NBPF15: variants seen among roughly 807,000 people sequenced by gnomAD.
NBPF15 encodes NBPF member 15.
In NBPF15, 74 loss-of-function variants were observed where a neutral mutation model predicts 62.2. The ratio of observed to expected loss-of-function variants is 1.19; its 90% confidence interval spans 0.99 to 1.44. NBPF15 has a LOEUF of 1.44. NBPF15 is among the 40% of genes most tolerant of loss of function. The pLI, the probability that NBPF15 is intolerant of heterozygous loss-of-function variation, is 0.00. For missense variants in NBPF15, 790 were observed against 550.0 expected (o/e 1.44, Z -4.36); for synonymous variants, 244 against 209.7 (o/e 1.16, Z -1.41).
intron 3 of NBPF15, among the ~76,000 whole-genome samples, chr1:144,458,103 AT>A (rs1349772473): frequency 2.6e-5 from 4 of 151,752 alleles, no homozygotes; most frequent in African/African-American, 4.8e-5. Context: ...AAAAAAAAAA[AT>A]TGTTCGATGT....
intron 3 of NBPF15, among the ~76,000 whole-genome samples, chr1:144,457,381 T>C (rs587755752): frequency 6.6e-6 from 1 of 151,950 alleles, no homozygotes; most frequent in Non-Finnish European, 1.5e-5. Context: ...CGCTAGGTTA[T>C]GCTACAGTAA....
chr1:144,424,467 G>T (rs1338106243), intron 20 of NBPF15, among the ~76,000 whole-genome samples: 1 of 152,042 alleles, frequency 6.6e-6, no homozygotes, highest in Non-Finnish European at 1.5e-5. Flanking sequence ...GAATCAGAGT[G>T]CCACAGGCAT....
intron 6 of NBPF15, among the ~76,000 whole-genome samples, chr1:144,441,773 G>A (rs1380697504): frequency 6.6e-6 from 1 of 151,282 alleles, no homozygotes; most frequent in Non-Finnish European, 1.5e-5. Flanking sequence ...CACATCTTAA[G>A]TTAATTTCAA....
Position 144,423,389 on chromosome 1 carries a change from A to G in NBPF15, c.1770-133T>C, listed in dbSNP as rs1397755221. On this transcript the variant is annotated intron_variant, in intron 21 of 21. Coordinates refer to ENST00000581897, the MANE Select transcript of NBPF15 (RefSeq NM_001385408.1). The stretch of plus-strand genomic sequence containing the variant: ...TAGATTCATTAATGAGGTAAAAAAA[A>G]AAAATTTATTGCCTTTATGTTGGGA... 8.9e-6 allele frequency: 14 copies of G among 1,575,622 alleles called. 1 individual carries two copies. Among genetic ancestry groups the G allele is most frequent in the African/African-American group, 1.4e-5 (1 of 71,928 alleles).
At chr1:144,445,332 A>AATATATATATATATAT (rs1246556657) in intron 6 of NBPF15, among the ~76,000 whole-genome samples, 1 of 92,544 alleles carries the variant, frequency 1.1e-5, no homozygotes. Context: ...CAAAACGGTG[A>AATATATATATATATAT]ATATATATAT....
chr1:144,423,774 G>T (rs1437733866), intron 21 of NBPF15, 96 bp downstream of exon 21: 14 of 715,044 alleles, frequency 2.0e-5, no homozygotes, highest in African/African-American at 1.8e-4. Context: ...TTCAGCCTTC[G>T]TTGAAAACAT....
rs1553538505 is a variant in NBPF15 at position 144,423,048 on chromosome 1, G to C, written c.1978C>G (p.Leu660Val). ...FFTLTVTSLHLVFQMGVIFPQ is the reference protein window; with the variant it reads ...FFTLTVTSLHVVFQMGVIFPQ ...AATATGACTCCCATCTGGAACACCA[G>C]GTGGAGACTTGTCACCGTCAAAGTA... The change falls in exon 22 of 22, where the codon CTG becomes GTG. Residue 660 changes from leucine (L) to valine (V), a missense_variant. Coordinates refer to ENST00000581897, the MANE Select transcript of NBPF15 (RefSeq NM_001385408.1). The C allele has an allele frequency of 6.2e-7, 1 of 1,611,650 alleles. No individual in the cohort carries two copies.
rs1237570740 is a variant in NBPF15 at position 144,427,703 on chromosome 1, G to A, written c.1213+115C>T. On this transcript the variant is annotated intron_variant, in intron 16 of 21. Transcript: ENST00000581897. ...TTCATTCAACCTACATGTGCCTATA[G>A]GTCCTCCCTGTGGCAATGACATCTC... The A allele has an allele frequency of 3.9e-5, 24 of 617,862 alleles. 1 individual carries two copies. The highest frequency in any genetic ancestry group is 6.6e-5 in the Non-Finnish European group (23 of 350,990). 38.3% of individuals were successfully genotyped at this position (617,862 alleles called of 1,614,324 possible).
In NBPF15 at chr1:144,434,648, G is replaced by T; in HGVS notation, c.772+463C>A. ...AGAAAAGTTTCCGTCCTGATTTCAGGGTGACTGTGCAGCTAAGCAAGCTGA... is the reference window on the plus strand; with the variant it reads ...AGAAAAGTTTCCGTCCTGATTTCAGTGTGACTGTGCAGCTAAGCAAGCTGA... On this transcript the variant is annotated intron_variant, in intron 12 of 21. Transcript: ENST00000581897. Among the ~76,000 whole-genome samples, 2 of 151,088 alleles carry T rather than the reference G, an allele frequency of 1.3e-5. 1 individual carries two copies.
chr1:144,450,928 G>A lies in NBPF15; in HGVS notation c.-431-58C>T, dbSNP rs113715538. ...GGGTTGCCCCTCCACACCTGTGGGC[G>A]TTTCTCGTTAGGTGGAAGGAGAGAC... On this transcript the variant is annotated intron_variant, in intron 4 of 21. Transcript: ENST00000581897. The A allele has an allele frequency of 2.3e-3, 401 of 174,166 alleles. 3 individuals are homozygous for A. The highest frequency in any genetic ancestry group is 6.0e-3 in the African/African-American group (249 of 41,814). The allele number at this position is 174,166 out of a possible 1,614,324, so 10.8% of individuals were successfully genotyped here.
chr1:144,432,404 C>T (rs1267844112), intron 13 of NBPF15, among the ~76,000 whole-genome samples: 56 of 152,100 alleles, frequency 3.7e-4, no homozygotes, highest in Admixed American at 2.3e-3. Context: ...CATCAACTAA[C>T]GGGCGAAATA....
At chr1:144,426,156 C>T (rs1313818430) in intron 18 of NBPF15, 122 bp downstream of exon 18, 22 of 658,474 alleles carry the variant, frequency 3.3e-5, no homozygotes, top group Non-Finnish European at 5.6e-5. Flanking sequence ...CCTTTATGCG[C>T]CCATAGGTCC....
intron 17 of NBPF15, 26 bp downstream of exon 17, chr1:144,427,021 A>C: frequency 1.3e-6 from 1 of 760,954 alleles, no homozygotes; most frequent in African/African-American, 1.7e-5. Context: ...ACACACAATT[A>C]AGCATCCATA....
chr1:144,458,065 C>G (rs11264219), intron 3 of NBPF15, among the ~76,000 whole-genome samples: 11,866 of 149,830 alleles, frequency 0.079, 1,150 homozygotes, highest in African/African-American at 0.24. Context: ...CCAGCCTGGG[C>G]AACAGAGCGA....
chr1:144,432,643 G>T (rs9438331), intron 13 of NBPF15, among the ~76,000 whole-genome samples: 3 of 151,652 alleles, frequency 2.0e-5, no homozygotes, highest in African/African-American at 4.8e-5. Flanking sequence ...AACAAAAAAA[G>T]GCAGGGGTTG....
intron 13 of NBPF15, among the ~76,000 whole-genome samples, chr1:144,432,226 G>A (rs1418260770): frequency 6.6e-6 from 1 of 151,852 alleles, no homozygotes; most frequent in Non-Finnish European, 1.5e-5. Context: ...ATAAGTGAAG[G>A]AGAAATAAAT....
chr1:144,426,408 C>A lies in NBPF15; in HGVS notation c.1308G>T (p.Leu436Phe), dbSNP rs1402716967. ...ELLDEKEPEVLQDSLDRCYST... is the reference protein window; with the variant it reads ...ELLDEKEPEVFQDSLDRCYST... ...AATAACATCTATCCAGTGAGTCCTG[C>A]AAGACTTCAGGCTCTTTCTCATCCA... Residue 436 changes from leucine to phenylalanine, a missense_variant, in exon 18 of 22, where the codon TTG (leucine) becomes TTT (phenylalanine). Transcript: ENST00000581897. The A allele has an allele frequency of 1.4e-4, 117 of 809,236 alleles. No homozygotes were observed. In the African/African-American group the frequency reaches 1.7e-3, roughly 12 times the overall value. 50.1% of individuals were successfully genotyped at this position (809,236 alleles called of 1,614,324 possible). A position where few individuals can be genotyped will look rare whatever the true frequency, so the allele number is the denominator to read the frequency against.
intron 6 of NBPF15, among the ~76,000 whole-genome samples, chr1:144,443,972 C>T (rs1341195691): frequency 2.0e-5 from 3 of 151,628 alleles, no homozygotes; most frequent in African/African-American, 7.3e-5. Flanking sequence ...CATTTTTAAC[C>T]ATTTTCTATA....
chr1:144,456,299 A>G (rs1647726433), intron 4 of NBPF15, among the ~76,000 whole-genome samples: 1 of 151,890 alleles, frequency 6.6e-6, no homozygotes, highest in Admixed American at 6.6e-5. Context: ...TCCTGGAGAG[A>G]ACACTCTCCT....
Sources: gnomAD v4.1 joint callset for allele counts (sites outside exome capture counted in the v4.1 genomes callset) on GRCh38, gnomAD v4.1.1 for gene constraint, MANE v1.5 for transcripts, NCBI Gene and HGNC (gene_info 2026-07-23, HGNC 2026-07-21) for gene names.